Variants in SLC9A8 observed in about 807,000 individuals in gnomAD.
SLC9A8 encodes the protein solute carrier family 9 member A8.
SLC9A8 carries 48 observed loss-of-function variants against 66.6 expected under a neutral mutation model. That is an observed-to-expected ratio of 0.72 (90% CI 0.57 to 0.92). SLC9A8 has a LOEUF of 0.92. Ranked by LOEUF, SLC9A8 falls within the 40% of genes least tolerant of loss-of-function variation. The pLI is 0.00. For synonymous variants in SLC9A8, 274 were observed against 282.6 expected (o/e 0.97, Z 0.31); for missense variants, 599 against 747.3 (o/e 0.80, Z 2.31).
At chr20:49,874,906 C>G in intron 11 of SLC9A8, 85 bp downstream of exon 11, 1 of 921,358 alleles carries the variant, frequency 1.1e-6, no homozygotes, top group Non-Finnish European at 1.8e-6. Context: ...TCAGTTGAGA[C>G]TTTCCCTGGC....
chr20:49,830,253 C>G, intron 3 of SLC9A8: 2 of 1,048,448 alleles, frequency 1.9e-6, no homozygotes, highest in African/African-American at 1.6e-5. Flanking sequence ...GGGCCTTGGT[C>G]TCATGAGAAG....
At chr20:49,848,533 C>A (rs1226489940) in intron 5 of SLC9A8, among the ~76,000 whole-genome samples, 1 of 152,156 alleles carries the variant, frequency 6.6e-6, no homozygotes, top group Non-Finnish European at 1.5e-5. Flanking sequence ...GATTCTTGTT[C>A]ACAACCACAA....
intron 6 of SLC9A8, 138 bp downstream of exon 6, chr20:49,849,818 T>A (rs1011201018): frequency 2.9e-6 from 2 of 685,070 alleles, no homozygotes; most frequent in Admixed American, 2.4e-5. Context: ...AAGGAAATCC[T>A]AGCTTCATAT....
At chr20:49,820,052 AC>A (rs2086677935) in intron 2 of SLC9A8, among the ~76,000 whole-genome samples, 1 of 152,044 alleles carries the variant, frequency 6.6e-6, no homozygotes, top group African/African-American at 2.4e-5. Context: ...TTGGATATAT[AC>A]CTGCAAGTGG....
chr20:49,870,605 C>T (rs2089174960), intron 10 of SLC9A8, among the ~76,000 whole-genome samples: 1 of 151,980 alleles, frequency 6.6e-6, no homozygotes, highest in Non-Finnish European at 1.5e-5. Flanking sequence ...ATATGCACCA[C>T]GACAAGAGAG....
intron 8 of SLC9A8, among the ~76,000 whole-genome samples, chr20:49,859,457 G>A (rs895036027): frequency 1.3e-5 from 2 of 150,478 alleles, no homozygotes; most frequent in Admixed American, 6.7e-5. Flanking sequence ...GGGCATGTCA[G>A]ACTTACCCCC....
At chr20:49,857,287 C>G (rs2088536126) in intron 8 of SLC9A8, among the ~76,000 whole-genome samples, 1 of 152,236 alleles carries the variant, frequency 6.6e-6, no homozygotes, top group Non-Finnish European at 1.5e-5. Context: ...TACTGACTTA[C>G]TGCCTTTGCT....
intron 12 of SLC9A8, among the ~76,000 whole-genome samples, chr20:49,880,424 C>T (rs2089583975): frequency 6.6e-6 from 1 of 152,176 alleles, no homozygotes; most frequent in Admixed American, 6.5e-5. Flanking sequence ...GTTCCTCTTG[C>T]TCAGAGAGCA....
At chr20:49,854,339 C>T (rs1483318409) in intron 7 of SLC9A8, among the ~76,000 whole-genome samples, 1 of 151,982 alleles carries the variant, frequency 6.6e-6, no homozygotes, top group Non-Finnish European at 1.5e-5. Context: ...ATGCACCTTC[C>T]TTCTGTTCCT....
intron 5 of SLC9A8, among the ~76,000 whole-genome samples, chr20:49,848,184 A>G (rs749476628): frequency 4.6e-5 from 7 of 152,094 alleles, no homozygotes; most frequent in East Asian, 1.9e-4. Flanking sequence ...TTGGCCTCCC[A>G]AAGTGCTGGG....
chr20:49,832,786 G>GGGTGGA (rs1406505591), intron 3 of SLC9A8, among the ~76,000 whole-genome samples: 2 of 152,144 alleles, frequency 1.3e-5, no homozygotes, highest in Non-Finnish European at 2.9e-5. Context: ...CTGGGGGTGG[G>GGGTGGA]GGTGGAGGAA....
At chr20:49,813,094 AG>A (rs1375317267) in intron 1 of SLC9A8, 146 bp downstream of exon 1, 2 of 154,532 alleles carry the variant, frequency 1.3e-5, no homozygotes, top group Non-Finnish European at 2.6e-5. Flanking sequence ...GCCTACGAGG[AG>A]GGCGGGATGG....
chr20:49,823,263 C>G, intron 3 of SLC9A8, 122 bp downstream of exon 3: 1 of 787,174 alleles, frequency 1.3e-6, no homozygotes. Flanking sequence ...TTGATCCTCA[C>G]TGCAACCTGC....
chr20:49,844,931 C>G, intron 4 of SLC9A8, 105 bp from the exon 5 acceptor site: 1 of 720,986 alleles, frequency 1.4e-6, no homozygotes, highest in East Asian at 2.8e-5. Context: ...TATGTTTCCA[C>G]TAGGCCAGGC....
At chr20:49,866,262 A>G (rs1264816154) in intron 10 of SLC9A8, among the ~76,000 whole-genome samples, 1 of 152,106 alleles carries the variant, frequency 6.6e-6, no homozygotes. Flanking sequence ...GTGTGGCAGT[A>G]GTTTATCGTT....
At chr20:49,861,172 G>T (rs2088719381) in intron 8 of SLC9A8, among the ~76,000 whole-genome samples, 1 of 152,214 alleles carries the variant, frequency 6.6e-6, no homozygotes, top group African/African-American at 2.4e-5. Context: ...GGTATGGCAG[G>T]CAGGAGCCAA....
rs1289564513 is a variant in SLC9A8 at position 49,884,006 on chromosome 20, G to C, written c.1431G>C (p.Glu477Asp). 1 of 1,613,476 alleles carries C rather than the reference G, an allele frequency of 6.2e-7. No homozygotes were observed. The highest frequency in any genetic ancestry group is 8.5e-7 in the Non-Finnish European group (1 of 1,179,972). ...TMPLIRLMDI[E>D]DAKAHRRNKK... is the part of the protein sequence containing the mutation. The stretch of plus-strand genomic sequence containing the variant: ...CCCTCATTCGCCTCATGGACATCGA[G>C]GACGCCAAGGCACACCGCAGGAACA... The change falls in exon 14 of 16, where the codon GAG becomes GAC. Residue 477 changes from glutamate to aspartate, a missense_variant. Glu to Asp is a conservative substitution (Grantham distance 45). Around this residue, in one of 2 missense-constraint regions of SLC9A8, gnomAD observed 467 missense variants for 626.5 expected, o/e 0.75. Coordinates refer to ENST00000361573, the MANE Select transcript of SLC9A8 (RefSeq NM_015266.3).
chr20:49,867,478 A>G (rs1034877125), intron 10 of SLC9A8, among the ~76,000 whole-genome samples: 16 of 152,172 alleles, frequency 1.1e-4, no homozygotes, highest in African/African-American at 2.9e-4. Context: ...GGAATTGTTC[A>G]GCCTACTTCT....
At chr20:49,828,392 T>C (rs2087009183) in intron 3 of SLC9A8, among the ~76,000 whole-genome samples, 1 of 151,724 alleles carries the variant, frequency 6.6e-6, no homozygotes, top group African/African-American at 2.4e-5. Context: ...TAATTTTATA[T>C]ATATATTTTT....
Sources: gnomAD v4.1 joint callset for allele counts (sites outside exome capture counted in the v4.1 genomes callset) on GRCh38, gnomAD v4.1.1 for gene constraint, gnomAD v4.1.1 regional missense constraint, MANE v1.5 for transcripts, NCBI Gene and HGNC (gene_info 2026-07-23, HGNC 2026-07-21) for gene names.